TARBP1: variants seen among roughly 807,000 people sequenced by gnomAD.
TARBP1 encodes tRNA guanosine 2 -O-methyltransferase TARBP1, also known as tRNA (guanosine(18)-2'-O)-methyltransferase TARBP1.
TARBP1 carries 144 observed loss-of-function variants against 178.6 expected under a neutral mutation model. The ratio of observed to expected loss-of-function variants is 0.81; its 90% CI spans 0.70 to 0.93. The LOEUF is 0.93. Among genes scored for constraint, TARBP1 ranks in the 40% least tolerant of loss-of-function variants. The pLI is 0.00. For missense variants in TARBP1, 2,067 were observed against 2,011.7 expected, an observed-to-expected ratio of 1.03 and a Z score of -0.53; for synonymous variants, 787 against 781.0, an observed-to-expected ratio of 1.01 and a Z score of -0.13.
Position 234,410,476 on chromosome 1 carries a change from A to G in TARBP1, c.3761T>C (p.Leu1254Ser). ...ICTFLAVLSH[L>S]DIITQNIPEK... ...TGGAATATTTTGAGTAATAATGTCT[A>G]AATGTGATAAAACTGCTAAAAACGT... is the stretch of plus-strand genomic sequence containing the variant. The change falls in exon 23 of 30, where the codon TTA (leucine) becomes TCA (serine). Residue 1254 changes from leucine (L) to serine (S), a missense_variant. Physicochemically the swap from Leu to Ser is moderately radical, Grantham distance 145. Coordinates refer to ENST00000040877, the MANE Select transcript of TARBP1 (RefSeq NM_005646.4). 1 of 1,521,622 alleles carries G rather than the reference A, an allele frequency of 6.6e-7. No individual in the cohort carries two copies. Among genetic ancestry groups the G allele is most frequent in the Non-Finnish European group, 9.0e-7 (1 of 1,109,270 alleles). 94.3% of individuals were successfully genotyped at this position (1,521,622 alleles called of 1,614,324 possible). A position where few individuals can be genotyped will look rare whatever the true frequency, so the allele number is the denominator to read the frequency against.
intron 22 of TARBP1, among the ~76,000 whole-genome samples, chr1:234,414,668 T>C (rs1264341700): frequency 6.6e-6 from 1 of 152,104 alleles, no homozygotes; most frequent in African/African-American, 2.4e-5. Flanking sequence ...CTACCATGGA[T>C]TCAAGAGTGG....
In TARBP1 at chr1:234,425,800, A is replaced by C. The variant is rs1663684037; in HGVS notation, c.3324-7T>G. ...ATGGTCTTCTCTCTTAGTACTAAAA[A>C]AATTAAATGATAAATTATGTTAATA... On this transcript the variant is annotated splice_region_variant and splice_polypyrimidine_tract_variant and intron_variant, in intron 19 of 29. Coordinates refer to ENST00000040877, the MANE Select transcript of TARBP1 (RefSeq NM_005646.4). The C allele has an allele frequency of 1.3e-6, 2 of 1,528,490 alleles. No homozygotes were observed. Among genetic ancestry groups the C allele is most frequent in the Non-Finnish European group, 1.8e-6 (2 of 1,124,224 alleles). The allele number at this position is 1,528,490 out of a possible 1,614,324, so 94.7% of individuals were successfully genotyped here. A position where few individuals can be genotyped will look rare whatever the true frequency, so the allele number is the denominator to read the frequency against.
intron 25 of TARBP1, 123 bp from the exon 26 acceptor site, chr1:234,398,676 A>G (rs1660387247): frequency 2.9e-6 from 2 of 688,642 alleles, no homozygotes; most frequent in African/African-American, 1.8e-5. Context: ...TGATCAAACT[A>G]TATACTTTCA....
rs574387954 is a variant in TARBP1 at position 234,393,685 on chromosome 1, C to A, written c.4396G>T (p.Val1466Phe). Residue 1466 changes from valine to phenylalanine, a missense_variant, in exon 27 of 30, where the codon GTT becomes TTT. Physicochemically the swap from Val to Phe is conservative, Grantham distance 50. Coordinates refer to ENST00000040877, the MANE Select transcript of TARBP1 (RefSeq NM_005646.4). ...GGTTTGTCGATGAGCGAGGCCACAA[C>A]GATGAGTCTACTAATTGACTTTCCA... ...RLGKSISRLI[V>F]VASLIDKPTN... The A allele has an allele frequency of 9.3e-6, 15 of 1,613,732 alleles. No homozygotes were observed. The highest frequency in any genetic ancestry group is 1.3e-5 in the African/African-American group (1 of 74,924).
Position 234,429,332 on chromosome 1 carries a change from GA to G in TARBP1, c.2872-9del, listed in dbSNP as rs4027042. On this transcript the variant is annotated splice_polypyrimidine_tract_variant and intron_variant, in intron 16 of 29. Coordinates refer to ENST00000040877, the MANE Select transcript of TARBP1 (RefSeq NM_005646.4). ...TTCAGAGGAAGTCAGAAGCTGGTAG[GA>G]AAAAAAAAAATACATACTTATTTCA... 18,897 of 1,065,188 alleles carry G rather than the reference GA, an allele frequency of 0.018. 5 individuals carry two copies. Among genetic ancestry groups the G allele is most frequent in the South Asian group, 0.04 (2,247 of 56,628 alleles). The allele number at this position is 1,065,188 out of a possible 1,614,324, so 66.0% of individuals were successfully genotyped here. A position where few individuals can be genotyped will look rare whatever the true frequency, so the allele number is the denominator to read the frequency against.
chr1:234,400,958 A>T, intron 25 of TARBP1: 1 of 376,296 alleles, frequency 2.7e-6, no homozygotes. Flanking sequence ...CCTGAGAAAT[A>T]GAAAGTGAAA....
intron 13 of TARBP1, among the ~76,000 whole-genome samples, chr1:234,435,991 T>C (rs1664992529): frequency 6.6e-6 from 1 of 152,196 alleles, no homozygotes; most frequent in Non-Finnish European, 1.5e-5. Context: ...TTTATTAAAC[T>C]CTAAGCTACT....
chr1:234,465,744 A>G (rs1302906379), intron 4 of TARBP1, 36 bp from the exon 5 acceptor site: 1 of 1,524,950 alleles, frequency 6.6e-7, no homozygotes, highest in East Asian at 2.4e-5. Context: ...CGTAATTGAA[A>G]CTTAGTTGTA....
chr1:234,438,647 A>G (rs78208629), intron 12 of TARBP1, among the ~76,000 whole-genome samples: 3 of 152,334 alleles, frequency 2.0e-5, no homozygotes, highest in East Asian at 3.9e-4. Flanking sequence ...CTGTGGGATA[A>G]TAACAACGAT....
chr1:234,468,746 AACT>A (rs759982993), intron 3 of TARBP1, among the ~76,000 whole-genome samples: 2 of 151,804 alleles, frequency 1.3e-5, no homozygotes, highest in Non-Finnish European at 1.5e-5. Flanking sequence ...TCCACACACC[AACT>A]CTGCTGCAGC....
At chr1:234,428,349 A>C (rs370532269) in intron 17 of TARBP1, among the ~76,000 whole-genome samples, 3,982 of 152,184 alleles carry the variant, frequency 0.026, 43 homozygotes, top group Middle Eastern at 0.051. Context: ...ACACACACAA[A>C]AAAAAACCTC....
chr1:234,442,610 T>C (rs1665705137), intron 12 of TARBP1, among the ~76,000 whole-genome samples: 2 of 152,214 alleles, frequency 1.3e-5, no homozygotes, highest in African/African-American at 4.8e-5. Context: ...AGAATACTCT[T>C]GTCTTGCATA....
chr1:234,408,201 T>G (rs909456368), intron 23 of TARBP1, among the ~76,000 whole-genome samples: 13 of 131,406 alleles, frequency 9.9e-5, no homozygotes, highest in Non-Finnish European at 2.0e-4. Flanking sequence ...TTAAGAAAGG[T>G]TTTTTTTTTT....
intron 6 of TARBP1, among the ~76,000 whole-genome samples, chr1:234,463,422 CTTATT>C (rs1490261982): frequency 1.3e-5 from 2 of 152,186 alleles, no homozygotes; most frequent in African/African-American, 4.8e-5. Context: ...TTGCACCTGG[CTTATT>C]TTTTCTTTCT....
At chr1:234,442,920 G>C (rs904200334) in intron 12 of TARBP1, among the ~76,000 whole-genome samples, 3 of 152,030 alleles carry the variant, frequency 2.0e-5, no homozygotes, top group African/African-American at 7.2e-5. Context: ...CACATTCCCT[G>C]GTCACTGCCA....
intron 22 of TARBP1, among the ~76,000 whole-genome samples, chr1:234,416,147 C>T (rs1193027917): frequency 6.6e-6 from 1 of 152,206 alleles, no homozygotes; most frequent in Admixed American, 6.5e-5. Flanking sequence ...TGTGAGAATT[C>T]CTGGGGCAGT....
At chr1:234,452,206 TG>T (rs1666855348) in intron 9 of TARBP1, among the ~76,000 whole-genome samples, 1 of 152,186 alleles carries the variant, frequency 6.6e-6, no homozygotes, top group Admixed American at 6.5e-5. Flanking sequence ...TGGCAGTCTC[TG>T]GGTAGGCAGG....
chr1:234,404,578 C>T (rs1661023587), intron 24 of TARBP1, among the ~76,000 whole-genome samples: 1 of 152,112 alleles, frequency 6.6e-6, no homozygotes, highest in Non-Finnish European at 1.5e-5. Context: ...TTTTAGTTTT[C>T]AGAGGACAGT....
At chr1:234,448,665 C>T (rs1195817274) in intron 10 of TARBP1, 86 bp from the exon 11 acceptor site, 3 of 947,620 alleles carry the variant, frequency 3.2e-6, no homozygotes, top group Non-Finnish European at 4.9e-6. Flanking sequence ...AATGATTATG[C>T]CTTATTAATA....
Sources: allele counts gnomAD v4.1 joint callset (sites outside exome capture counted in the v4.1 genomes callset), GRCh38; gene constraint gnomAD v4.1.1; transcripts MANE v1.5; gene names NCBI Gene and HGNC (gene_info 2026-07-23, HGNC 2026-07-21).